Variants in TTR observed in about 807,000 individuals in gnomAD.
TTR encodes the protein epididymis luminal protein 111.
Under a neutral mutation model 13.7 loss-of-function variants are expected in TTR, and 8 were observed. The observed-to-expected ratio is 0.58, with a 90% confidence interval of 0.34 to 1.05. The LOEUF (loss-of-function observed/expected upper bound fraction) is 1.05. Ranked by LOEUF, TTR falls within the 50% of genes least tolerant of loss-of-function variation. The pLI is 0.02. For missense variants in TTR, 135 were observed against 185.5 expected (o/e 0.73, Z 1.58); for synonymous variants, 75 against 71.7 (o/e 1.05, Z -0.23).
rs752579437 is a variant in TTR at position 31,591,971 on chromosome 18, G to A, written c.69G>A (p.Thr23=). Residue 23 remains threonine (T), a splice_region_variant and synonymous_variant, in exon 1 of 4, where the codon ACG becomes ACA. Coordinates refer to ENST00000237014, the MANE Select transcript of TTR (RefSeq NM_000371.4). ...GLVFVSEAGP[T]GTGESKCPLM... Reference sequence around the variant, plus strand: ...TATTTGTGTCTGAGGCTGGCCCTACGGTGAGTGTTTCTGTGACATCCCATT... The same window carrying A: ...TATTTGTGTCTGAGGCTGGCCCTACAGTGAGTGTTTCTGTGACATCCCATT... 5.0e-6 allele frequency: 8 copies of A among 1,613,896 alleles called. No individual in the cohort carries two copies. Among genetic ancestry groups the A allele is most frequent in the African/African-American group, 1.3e-5 (1 of 74,888 alleles).
At chr18:31,596,439 G>A (rs1165529343) in intron 3 of TTR, among the ~76,000 whole-genome samples, 1 of 152,118 alleles carries the variant, frequency 6.6e-6, no homozygotes, top group Non-Finnish European at 1.5e-5. Context: ...AGTCAGGGCA[G>A]GAGCAGGGTT....
At chr18:31,593,274 T>A in intron 2 of TTR, 1 of 446,166 alleles carries the variant, frequency 2.2e-6, no homozygotes, top group Non-Finnish European at 4.1e-6. Flanking sequence ...TCCTCTCCTC[T>A]AGCTGTGGTT....
chr18:31,595,280 T>C, intron 3 of TTR, 25 bp downstream of exon 3: 2 of 1,614,100 alleles, frequency 1.2e-6, no homozygotes, highest in Non-Finnish European at 1.7e-6. Context: ...CTTCGAGGGT[T>C]GTTTTGGTTT....
At position 31,598,555 on chromosome 18, in the gene TTR, T is replaced by C. The variant is rs762691667; in HGVS notation, c.337-13T>C. Reference sequence around the variant, plus strand: ...GCTCTGGTGGAAATGGATCTGTCTGTCTTCTCTCATAGGTGGTATTCACAG... The same window carrying C: ...GCTCTGGTGGAAATGGATCTGTCTGCCTTCTCTCATAGGTGGTATTCACAG... On this transcript the variant is annotated splice_polypyrimidine_tract_variant and intron_variant, in intron 3 of 3. Coordinates refer to ENST00000237014, the MANE Select transcript of TTR (RefSeq NM_000371.4). The C allele has an allele frequency of 4.3e-6, 7 of 1,614,028 alleles. No individual in the cohort carries two copies. Among genetic ancestry groups the C allele is most frequent in the Non-Finnish European group, 5.9e-6 (7 of 1,179,960 alleles).
chr18:31,592,752 C>T (rs1016800273), intron 1 of TTR, 144 bp from the exon 2 acceptor site: 5 of 1,050,572 alleles, frequency 4.8e-6, no homozygotes, highest in Admixed American at 2.0e-5. Flanking sequence ...AGTAGGGAAG[C>T]TCATTAATTG....
chr18:31,595,906 CA>C (rs1471636274), intron 3 of TTR: 1 of 176,484 alleles, frequency 5.7e-6, no homozygotes, highest in African/African-American at 2.4e-5. Context: ...TGTCAAAGGT[CA>C]CAAGACTAGG....
intron 3 of TTR, among the ~76,000 whole-genome samples, chr18:31,596,452 G>C (rs1045501874): frequency 3.3e-5 from 5 of 152,072 alleles, no homozygotes; most frequent in African/African-American, 4.8e-5. Flanking sequence ...GCAGGGTTTC[G>C]GCGGCGCCCA....
At chr18:31,595,026 A>G in intron 2 of TTR, 94 bp from the exon 3 acceptor site, 4 of 1,341,796 alleles carry the variant, frequency 3.0e-6, no homozygotes, top group Non-Finnish European at 4.2e-6. Context: ...TGTTTATAAC[A>G]TGTTTATGTG....
At chr18:31,595,452 A>G (rs1280352960) in intron 3 of TTR, 197 bp downstream of exon 3, 1 of 740,170 alleles carries the variant, frequency 1.4e-6, no homozygotes, top group South Asian at 1.5e-5. Flanking sequence ...TTTGATGAAA[A>G]TCCACTTAGT....
intron 1 of TTR, 139 bp downstream of exon 1, chr18:31,592,110 C>A: frequency 1.2e-6 from 1 of 851,394 alleles, no homozygotes; most frequent in Non-Finnish European, 1.9e-6. Flanking sequence ...ATAATTAATT[C>A]AAACTTCAAA....
chr18:31,598,606 C>T lies in TTR; in HGVS notation c.375C>T (p.Tyr125=), dbSNP rs749079577. The change falls in exon 4 of 4, where the codon TAC becomes TAT. Residue 125 remains tyrosine, a synonymous_variant. Transcript: ENST00000237014. ...FTANDSGPRR[Y]TIAALLSPYS... is the part of the protein sequence containing the mutation. ...CCAACGACTCCGGCCCCCGCCGCTA[C>T]ACCATTGCCGCCCTGCTGAGCCCCT... 1.7e-5 allele frequency: 28 copies of T among 1,614,230 alleles called. No homozygotes were observed. The Admixed American group carries it at 2.8e-4, about 16-fold the overall frequency.
Position 31,591,918 on chromosome 18 carries a change from C to T in TTR, c.16C>T (p.Leu6=). 1.2e-6 allele frequency: 2 copies of T among 1,614,206 alleles called. No individual in the cohort carries two copies. The highest frequency in any genetic ancestry group is 8.5e-7 in the Non-Finnish European group (1 of 1,180,040). Residue 6 remains leucine, a synonymous_variant, in exon 1 of 4, where the codon CTG becomes TTG. Transcript: ENST00000237014. The stretch of plus-strand genomic sequence containing the variant: ...TCTTGGCAGGATGGCTTCTCATCGT[C>T]TGCTCCTCCTCTGCCTTGCTGGACT... MASHR[L]LLLCLAGLVF...
chr18:31,595,927 A>G (rs1179052359), intron 3 of TTR: 1 of 170,738 alleles, frequency 5.9e-6, no homozygotes, highest in Non-Finnish European at 1.3e-5. Context: ...GAAATACACA[A>G]GTAGAAATGT....
In TTR at chr18:31,598,682, TCTC is replaced by T. The variant is rs766223850; in HGVS notation, c.*12_*14del. 3.7e-6 allele frequency: 6 copies of T among 1,611,704 alleles called. No homozygotes were observed. The highest frequency in any genetic ancestry group is 1.7e-5 in the Admixed American group (1 of 59,982). On this transcript the variant is annotated 3_prime_UTR_variant, in exon 4 of 4. Coordinates refer to ENST00000237014, the MANE Select transcript of TTR (RefSeq NM_000371.4). ...CACCAATCCCAAGGAATGAGGGACT[TCTC>T]CTCCAGTGGACCTGAAGGACGAGGG...
chr18:31,598,344 A>G (rs900556305), intron 3 of TTR: 5 of 658,370 alleles, frequency 7.6e-6, no homozygotes, highest in African/African-American at 5.4e-5. Context: ...GTGAATTTGC[A>G]AAACAAGACC....
At chr18:31,592,010 T>C (rs2073488813) in intron 1 of TTR, 39 bp downstream of exon 1, 1 of 1,610,148 alleles carries the variant, frequency 6.2e-7, no homozygotes, top group Non-Finnish European at 8.5e-7. Context: ...ACATTTAAGA[T>C]TCACGCTAAA....
At chr18:31,598,243 A>C (rs1267985923) in intron 3 of TTR, among the ~76,000 whole-genome samples, 1 of 152,010 alleles carries the variant, frequency 6.6e-6, no homozygotes, top group Admixed American at 6.5e-5. Flanking sequence ...CATTCTCCCT[A>C]CCTTTTTTTT....
In TTR at chr18:31,598,818, G is replaced by C. The variant is rs545271394; in HGVS notation, c.*143G>C. On this transcript the variant is annotated 3_prime_UTR_variant, in exon 4 of 4. Coordinates refer to ENST00000237014, the MANE Select transcript of TTR (RefSeq NM_000371.4). ...GAGACAATAAAACATTCCTGTGAAA[G>C]GCACTTTTCATTCCACTTTAACTTG... is the stretch of plus-strand genomic sequence containing the variant. 1.1e-4 allele frequency: 93 copies of C among 861,288 alleles called. No individual in the cohort carries two copies. In the Middle Eastern group the frequency reaches 1.6e-3, roughly 15 times the overall value. The allele number at this position is 861,288 out of a possible 1,614,324, so 53.4% of individuals were successfully genotyped here. A position where few individuals can be genotyped will look rare whatever the true frequency, so the allele number is the denominator to read the frequency against.
At chr18:31,593,231 G>C in intron 2 of TTR, 1 of 594,070 alleles carries the variant, frequency 1.7e-6, no homozygotes, top group Admixed American at 3.0e-5. Context: ...CATCATTTAG[G>C]GGCAGACAGT....
Sources: allele counts gnomAD v4.1 joint callset (sites outside exome capture counted in the v4.1 genomes callset), GRCh38; gene constraint gnomAD v4.1.1; transcripts MANE v1.5; gene names NCBI Gene and HGNC (gene_info 2026-07-23, HGNC 2026-07-21).